The following IL24 variants were observed in gnomAD, a reference collection of about 807,000 sequenced individuals.
The protein encoded by IL24 is interleukin 24, also known as interleukin-24.
A neutral mutation model predicts 27.6 loss-of-function variants in IL24; 24 were observed. The ratio of observed to expected loss-of-function variants is 0.87; its 90% CI spans 0.63 to 1.22. The LOEUF (loss-of-function observed/expected upper bound fraction) is 1.22. IL24 is among the 50% of genes most tolerant of loss of function. The probability of loss-of-function intolerance (pLI) is 0.00; values close to 1 mark genes in which losing one functional copy is unlikely to be tolerated. For synonymous variants in IL24, 99 were observed against 93.1 expected (o/e 1.06, Z -0.36); for missense variants, 240 against 237.0 (o/e 1.01, Z -0.08).
Position 206,903,562 on chromosome 1 carries a change from T to C in IL24, c.*503T>C, listed in dbSNP as rs1678487245. The C allele has an allele frequency of 6.2e-6, 1 of 161,114 alleles. No homozygotes were observed. The highest frequency in any genetic ancestry group is 1.4e-5 in the Non-Finnish European group (1 of 72,886). 10.0% of individuals were successfully genotyped at this position (161,114 alleles called of 1,614,324 possible). A position where few individuals can be genotyped will look rare whatever the true frequency, so the allele number is the denominator to read the frequency against. Reference sequence around the variant, plus strand: ...ATGAAAATCACACTGTCTTCTGATATCTGCAGGGACAGAGCATTGGGGTGG... The same window carrying C: ...ATGAAAATCACACTGTCTTCTGATACCTGCAGGGACAGAGCATTGGGGTGG... On this transcript the variant is annotated 3_prime_UTR_variant, in exon 7 of 7. Transcript: ENST00000294984.
At chr1:206,899,583 G>A in intron 3 of IL24, 68 bp downstream of exon 3, 1 of 1,308,534 alleles carries the variant, frequency 7.6e-7, no homozygotes, top group South Asian at 1.5e-5. Context: ...TGGGGCGAGG[G>A]GATGCTATTT....
rs1162637167 is a variant in IL24 at position 206,903,103 on chromosome 1, C to G, written c.*44C>G. 6.6e-7 allele frequency: 1 copy of G among 1,515,204 alleles called. No homozygotes were observed. The highest frequency in any genetic ancestry group is 9.2e-7 in the Non-Finnish European group (1 of 1,090,174). 93.9% of individuals were successfully genotyped at this position (1,515,204 alleles called of 1,614,324 possible). A position where few individuals can be genotyped will look rare whatever the true frequency, so the allele number is the denominator to read the frequency against. ...CCCTCCCCCTGGCACTGGTTTGTTC[C>G]CTGTGTCATTTCAAACAGTCTCCCT... is the stretch of plus-strand genomic sequence containing the variant. On this transcript the variant is annotated 3_prime_UTR_variant, in exon 7 of 7. Coordinates refer to ENST00000294984, the MANE Select transcript of IL24 (RefSeq NM_006850.3).
At chr1:206,899,232 C>T in intron 2 of IL24, 88 bp from the exon 3 acceptor site, 10 of 1,384,488 alleles carry the variant, frequency 7.2e-6, no homozygotes, top group Non-Finnish European at 9.9e-6. Flanking sequence ...CGAGATTGGC[C>T]CGGGGAGACC....
intron 4 of IL24, 89 bp from the exon 5 acceptor site, chr1:206,901,405 A>C: frequency 7.0e-7 from 1 of 1,423,244 alleles, no homozygotes; most frequent in Non-Finnish European, 9.5e-7. Context: ...TGCTGTGCTT[A>C]TCTTGCCTTG....
At chr1:206,898,164 CAAAAAAA>C (rs59175256) in intron 2 of IL24, among the ~76,000 whole-genome samples, 46,923 of 100,132 alleles carry the variant, frequency 0.47, 8,298 homozygotes, top group Middle Eastern at 0.58. Context: ...GAAATTCTGT[CAAAAAAA>C]AAAAAAAAAA....
intron 5 of IL24, 73 bp downstream of exon 5, chr1:206,901,725 C>G: frequency 7.4e-7 from 1 of 1,349,922 alleles, no homozygotes; most frequent in Admixed American, 1.9e-5. Flanking sequence ...TGCTGGGTGA[C>G]CCTCTGCAAA....
chr1:206,898,997 G>A (rs187131774), intron 2 of IL24, among the ~76,000 whole-genome samples: 1 of 152,308 alleles, frequency 6.6e-6, no homozygotes, highest in Admixed American at 6.5e-5. Flanking sequence ...ACTCTTCTGG[G>A]TCAAATTCTG....
intron 5 of IL24, 94 bp from the exon 6 acceptor site, chr1:206,901,904 G>GC (rs1678400191): frequency 4.6e-6 from 6 of 1,299,590 alleles, no homozygotes; most frequent in Admixed American, 1.8e-5. Context: ...CTCAGGCTTT[G>GC]GGAGACCCTG....
intron 2 of IL24, 25 bp from the exon 3 acceptor site, chr1:206,899,295 A>G: frequency 1.2e-6 from 2 of 1,609,244 alleles, no homozygotes; most frequent in African/African-American, 1.3e-5. Flanking sequence ...CCGGCCTCAC[A>G]GGCTGCCTCC....
In IL24 at chr1:206,903,212, TTAAGCAGCGCCAG is replaced by T; in HGVS notation, c.*155_*167del. ...GGATTATTGTCAAAGAAGTCATTCTTTAAGCAGCGCCAGTGACAGTCAGGGAAGGTGCCTCTGG... is the reference window on the plus strand; with the variant it reads ...GGATTATTGTCAAAGAAGTCATTCTTTGACAGTCAGGGAAGGTGCCTCTGG... On this transcript the variant is annotated 3_prime_UTR_variant, in exon 7 of 7. Coordinates refer to ENST00000294984, the MANE Select transcript of IL24 (RefSeq NM_006850.3). The T allele has an allele frequency of 1.5e-6, 1 of 660,290 alleles. No homozygotes were observed. The highest frequency in any genetic ancestry group is 2.7e-6 in the Non-Finnish European group (1 of 370,704). 40.9% of individuals were successfully genotyped at this position (660,290 alleles called of 1,614,324 possible). A position where few individuals can be genotyped will look rare whatever the true frequency, so the allele number is the denominator to read the frequency against.
At chr1:206,899,122 C>G (rs988780108) in intron 2 of IL24, among the ~76,000 whole-genome samples, 198 bp from the exon 3 acceptor site, 1 of 152,156 alleles carries the variant, frequency 6.6e-6, no homozygotes, top group Non-Finnish European at 1.5e-5. Context: ...AGACGAGCGG[C>G]CTTAAGTTTG....
chr1:206,901,970 G>A, intron 5 of IL24, 28 bp from the exon 6 acceptor site: 4 of 1,610,392 alleles, frequency 2.5e-6, no homozygotes, highest in Non-Finnish European at 3.4e-6. Flanking sequence ...CTAAAAATTG[G>A]CACAACTTCT....
In IL24 at chr1:206,901,530, G is replaced by A; in HGVS notation, c.340G>A (p.Glu114Lys). 1 of 1,614,034 alleles carries A rather than the reference G, an allele frequency of 6.2e-7. No homozygotes were observed. Among genetic ancestry groups the A allele is most frequent in the Non-Finnish European group, 8.5e-7 (1 of 1,179,936 alleles). Residue 114 changes from glutamate to lysine, a missense_variant, in exon 5 of 7, where the codon GAG (glutamate) becomes AAG (lysine). Transcript: ENST00000294984. The stretch of plus-strand genomic sequence containing the variant: ...CTGTTACCTTGTCCACACCCTGCTG[G>A]AGTTCTACTTGAAAACTGTTTTCAA... ...ESCYLVHTLL[E>K]FYLKTVFKNY...
intron 4 of IL24, among the ~76,000 whole-genome samples, chr1:206,900,706 T>A (rs1572605787): frequency 6.6e-6 from 1 of 152,078 alleles, no homozygotes; most frequent in African/African-American, 2.4e-5. Flanking sequence ...TCCTTTTTCC[T>A]GGGTCCTCCT....
At position 206,897,717 on chromosome 1, in the gene IL24, G is replaced by C. The variant is rs917246015; in HGVS notation, c.-102-14G>C. 5.9e-6 allele frequency: 6 copies of C among 1,025,218 alleles called. No homozygotes were observed. Among genetic ancestry groups the C allele is most frequent in the Non-Finnish European group, 8.8e-6 (6 of 679,912 alleles). 63.5% of individuals were successfully genotyped at this position (1,025,218 alleles called of 1,614,324 possible). ...GGGGACAGCAGAAGTCAATTTTTTT[G>C]AGTGTTGATGTAGGGACAAGACATG... is the stretch of plus-strand genomic sequence containing the variant. On this transcript the variant is annotated splice_polypyrimidine_tract_variant and intron_variant, in intron 1 of 6. Coordinates refer to ENST00000294984, the MANE Select transcript of IL24 (RefSeq NM_006850.3).
Position 206,903,092 on chromosome 1 carries a change from C to G in IL24, c.*33C>G. ...GACCAGGACCTCCCTCCCCCTGGCA[C>G]TGGTTTGTTCCCTGTGTCATTTCAA... On this transcript the variant is annotated 3_prime_UTR_variant, in exon 7 of 7. Coordinates refer to ENST00000294984, the MANE Select transcript of IL24 (RefSeq NM_006850.3). 6.4e-7 allele frequency: 1 copy of G among 1,556,534 alleles called. No individual in the cohort carries two copies. The highest frequency in any genetic ancestry group is 2.2e-5 in the East Asian group (1 of 44,606).
intron 2 of IL24, 51 bp from the exon 3 acceptor site, chr1:206,899,269 A>ACT (rs1215398086): frequency 3.8e-6 from 6 of 1,576,590 alleles, no homozygotes; most frequent in Non-Finnish European, 5.2e-6. Context: ...AGGGCATGTA[A>ACT]CTCTGGGTCA....
In IL24 at chr1:206,903,244, C is replaced by T; in HGVS notation, c.*185C>T. On this transcript the variant is annotated 3_prime_UTR_variant, in exon 7 of 7. Transcript: ENST00000294984. The stretch of plus-strand genomic sequence containing the variant: ...GCGCCAGTGACAGTCAGGGAAGGTG[C>T]CTCTGGATGCTGTGAAGAGTCTACA... The T allele has an allele frequency of 1.7e-6, 1 of 580,746 alleles. No homozygotes were observed. Among genetic ancestry groups the T allele is most frequent in the Non-Finnish European group, 3.1e-6 (1 of 322,304 alleles). The allele number at this position is 580,746 out of a possible 1,614,324, so 36.0% of individuals were successfully genotyped here.
intron 4 of IL24, among the ~76,000 whole-genome samples, chr1:206,901,127 A>C (rs1678358619): frequency 6.6e-6 from 1 of 152,190 alleles, no homozygotes; most frequent in East Asian, 1.9e-4. Context: ...ACCAAGTCCA[A>C]GTTCAAGCCC....
Sources: allele counts gnomAD v4.1 joint callset (sites outside exome capture counted in the v4.1 genomes callset), GRCh38; gene constraint gnomAD v4.1.1; transcripts MANE v1.5; gene names NCBI Gene and HGNC (gene_info 2026-07-23, HGNC 2026-07-21).